KIF26B: variants seen among roughly 807,000 people sequenced by gnomAD.
KIF26B encodes kinesin family member 26B, also known as kinesin-like protein KIF26B.
KIF26B carries 63 observed loss-of-function variants against 151.2 expected under a neutral mutation model. That is an observed-to-expected ratio of 0.42 (90% CI 0.34 to 0.51). The LOEUF is 0.51. Ranked by LOEUF, KIF26B falls within the 20% of genes least tolerant of loss-of-function variation. The probability of loss-of-function intolerance (pLI) is 0.07; values close to 1 mark genes in which losing one functional copy is unlikely to be tolerated. For synonymous variants in KIF26B, 1,357 were observed against 1,262.1 expected (o/e 1.08, Z -1.59); for missense variants, 2,813 against 2,913.6 (o/e 0.97, Z 0.79).
At chr1:245,333,072 G>A (rs921119747) in intron 2 of KIF26B, among the ~76,000 whole-genome samples, 1 of 152,126 alleles carries the variant, frequency 6.6e-6, no homozygotes, top group Admixed American at 6.5e-5. Context: ...GCATGCAGGA[G>A]AAAAGCAGAA....
At chr1:245,299,127 C>T (rs1407130776) in intron 2 of KIF26B, among the ~76,000 whole-genome samples, 5 of 152,212 alleles carry the variant, frequency 3.3e-5, no homozygotes, top group African/African-American at 9.7e-5. Context: ...TTTAGCTTAA[C>T]GCTCATTCCC....
chr1:245,647,232 T>C (rs1026639531), intron 10 of KIF26B, among the ~76,000 whole-genome samples: 16 of 152,038 alleles, frequency 1.1e-4, no homozygotes, highest in Non-Finnish European at 1.6e-4. Flanking sequence ...GAGACCATCC[T>C]GGCTAACACG....
At position 245,611,804 on chromosome 1, in the gene KIF26B, G is replaced by C. The variant is rs757947951; in HGVS notation, c.1926G>C (p.Gln642His). Residue 642 changes from glutamine to histidine, a missense_variant, in exon 9 of 15, where the codon CAG becomes CAC. Physicochemically the swap from Gln to His is conservative, Grantham distance 24. Transcript: ENST00000407071. Reference sequence around the variant, plus strand: ...CTTCTGTCTTCCAGCTGCAGAACCAGAGCGAGCTGCGGGCCCCCACCGCAG... The same window carrying C: ...CTTCTGTCTTCCAGCTGCAGAACCACAGCGAGCTGCGGGCCCCCACCGCAG... ...DPICGTQLQN[Q>H]SELRAPTAEK... is the part of the protein sequence containing the mutation. 1 of 1,613,644 alleles carries C rather than the reference G, an allele frequency of 6.2e-7. No homozygotes were observed. Among genetic ancestry groups the C allele is most frequent in the South Asian group, 1.1e-5 (1 of 91,032 alleles).
intron 6 of KIF26B, among the ~76,000 whole-genome samples, chr1:245,603,853 G>T (rs537148915): frequency 3.9e-5 from 6 of 152,318 alleles, no homozygotes; most frequent in Middle Eastern, 3.4e-3. Context: ...AGGCTGGGGT[G>T]GAGAATTGGG....
intron 2 of KIF26B, among the ~76,000 whole-genome samples, chr1:245,315,922 C>T (rs891596794): frequency 6.6e-5 from 10 of 151,920 alleles, no homozygotes; most frequent in South Asian, 2.1e-4. Flanking sequence ...ATGGATACTT[C>T]GCCACAATAA....
intron 2 of KIF26B, among the ~76,000 whole-genome samples, chr1:245,306,493 A>G (rs1671541560): frequency 6.6e-6 from 1 of 152,242 alleles, no homozygotes; most frequent in Non-Finnish European, 1.5e-5. Flanking sequence ...GAATTGTACA[A>G]TATAAATGGA....
chr1:245,401,303 C>T (rs1050739293), intron 3 of KIF26B, among the ~76,000 whole-genome samples: 3 of 152,070 alleles, frequency 2.0e-5, no homozygotes, highest in South Asian at 2.1e-4. Flanking sequence ...CCTTAGAAGC[C>T]GCAGATCAGC....
Position 245,237,676 on chromosome 1 carries a change from CA to C in KIF26B, c.465+80994del, listed in dbSNP as rs560539874. 3.2e-3 allele frequency among the ~76,000 whole-genome samples: 489 copies of C among 152,266 alleles called. 2 individuals carry two copies. Among genetic ancestry groups the C allele is most frequent in the African/African-American group, 0.011 (473 of 41,546 alleles). ...TTTACTGGCAACACTGTCTTTTGTA[CA>C]GACTGTATTTGTTTGGATTAATACA... On this transcript the variant is annotated intron_variant, in intron 2 of 14. Transcript: ENST00000407071.
chr1:245,332,261 C>T (rs1672129434), intron 2 of KIF26B, among the ~76,000 whole-genome samples: 1 of 152,026 alleles, frequency 6.6e-6, no homozygotes, highest in Non-Finnish European at 1.5e-5. Flanking sequence ...AGTGTGTAGG[C>T]CAACCTCTCT....
chr1:245,183,247 G>T (rs1668938688), intron 2 of KIF26B, among the ~76,000 whole-genome samples: 2 of 152,068 alleles, frequency 1.3e-5, no homozygotes, highest in Non-Finnish European at 2.9e-5. Context: ...TTTTCTCCTG[G>T]TCTGTGAGTT....
At chr1:245,610,411 C>G (rs2043506879) in intron 8 of KIF26B, among the ~76,000 whole-genome samples, 8 of 152,182 alleles carry the variant, frequency 5.3e-5, no homozygotes. Flanking sequence ...TGGGCACCCC[C>G]CCAGAGTTTC....
At chr1:245,336,246 C>T (rs1452655213) in intron 2 of KIF26B, among the ~76,000 whole-genome samples, 1 of 152,242 alleles carries the variant, frequency 6.6e-6, no homozygotes, top group African/African-American at 2.4e-5. Flanking sequence ...GCACGGATGC[C>T]ATCTAGAAGA....
intron 3 of KIF26B, chr1:245,370,775 T>G: frequency 2.6e-6 from 1 of 381,170 alleles, no homozygotes; most frequent in East Asian, 7.7e-5. Flanking sequence ...TGTGCGTTTC[T>G]TTTATTTGTG....
chr1:245,343,594 T>C (rs571736876), intron 2 of KIF26B, among the ~76,000 whole-genome samples: 1 of 152,358 alleles, frequency 6.6e-6, no homozygotes, highest in South Asian at 2.1e-4. Flanking sequence ...ATCTTTGTAA[T>C]TGACATTTAA....
intron 4 of KIF26B, among the ~76,000 whole-genome samples, chr1:245,505,082 G>A (rs1660705525): frequency 1.3e-5 from 2 of 151,858 alleles, no homozygotes; most frequent in African/African-American, 4.8e-5. Flanking sequence ...GGGATTACAG[G>A]CACGTGCCAC....
At chr1:245,457,710 A>G (rs1314693160) in intron 4 of KIF26B, among the ~76,000 whole-genome samples, 3 of 152,176 alleles carry the variant, frequency 2.0e-5, no homozygotes, top group Admixed American at 6.5e-5. Context: ...TCCTATTGCA[A>G]CATTTCTTTT....
chr1:245,372,341 A>C (rs1673148454), intron 3 of KIF26B, among the ~76,000 whole-genome samples: 1 of 152,252 alleles, frequency 6.6e-6, no homozygotes, highest in African/African-American at 2.4e-5. Context: ...GTTGGGAATC[A>C]CTGCTCTAGA....
rs1661599074 is a variant in KIF26B, at chr1:245,540,770, T to G, written c.1170T>G (p.Ala390=). 6.2e-7 allele frequency: 1 copy of G among 1,613,648 alleles called. No individual in the cohort carries two copies. The part of the protein sequence containing the change: ...TSVAASFFAR[A]AQKLNLSSKK... ...ATTGTTCCTTTTTCCACTCCAGAGCTGCCCAGAAGTTAAATCTGTCTTCTA... is the reference window on the plus strand; with the variant it reads ...ATTGTTCCTTTTTCCACTCCAGAGCGGCCCAGAAGTTAAATCTGTCTTCTA... Residue 390 remains alanine (A), a synonymous_variant, in exon 5 of 15, where the codon GCT becomes GCG. Coordinates refer to ENST00000407071, the MANE Select transcript of KIF26B (RefSeq NM_018012.4). This position sits in a 1 kb window ranked among gnomAD's most constrained non-coding sequence, Gnocchi z 4.6.
At chr1:245,493,106 C>T (rs1479604924) in intron 4 of KIF26B, among the ~76,000 whole-genome samples, 5 of 152,140 alleles carry the variant, frequency 3.3e-5, no homozygotes, top group South Asian at 2.1e-4. Context: ...CCAAATTCTG[C>T]CATACTTACA....
Sources: gnomAD v4.1 joint callset for allele counts (sites outside exome capture counted in the v4.1 genomes callset) on GRCh38, gnomAD v4.1.1 for gene constraint, Gnocchi (gnomAD v3.1) non-coding constraint, MANE v1.5 for transcripts, NCBI Gene and HGNC (gene_info 2026-07-23, HGNC 2026-07-21) for gene names.